SLCO3A1: variants seen among roughly 807,000 people sequenced by gnomAD.
SLCO3A1 encodes the protein solute carrier organic anion transporter family member 3A1.
In SLCO3A1, 27 loss-of-function variants were observed where a neutral mutation model predicts 63.1. The observed-to-expected ratio is 0.43, with a 90% CI of 0.32 to 0.59. The LOEUF (loss-of-function observed/expected upper bound fraction) is 0.59. Among genes scored for constraint, SLCO3A1 ranks in the 20% least tolerant of loss-of-function variants. The pLI, the probability that SLCO3A1 is intolerant of heterozygous loss-of-function variation, is 0.09. For missense variants in SLCO3A1, 773 were observed against 945.8 expected (o/e 0.82, Z 2.40); for synonymous variants, 473 against 409.9 (o/e 1.15, Z -1.86).
In SLCO3A1 at chr15:92,004,746, C is replaced by T. The variant is rs78794447; in HGVS notation, c.646+88288C>T. 3.2e-3 allele frequency among the ~76,000 whole-genome samples: 490 copies of T among 152,278 alleles called. 3 individuals are homozygous for T. The highest frequency in any genetic ancestry group is 0.011 in the African/African-American group (454 of 41,544). On this transcript the variant is annotated intron_variant, in intron 2 of 9. Transcript: ENST00000318445. ...CCAGAAGCAATAGTTGGAGCTTCTC[C>T]CAATTGTCCCTCAAATGCATTAGTC...
chr15:92,000,170 A>G (rs1397724529), intron 2 of SLCO3A1, among the ~76,000 whole-genome samples: 1 of 152,198 alleles, frequency 6.6e-6, no homozygotes, highest in East Asian at 1.9e-4. Context: ...ATATGATTTT[A>G]TATATGATTT....
At chr15:92,140,624 G>A (rs1244666801) in intron 7 of SLCO3A1, among the ~76,000 whole-genome samples, 1 of 152,250 alleles carries the variant, frequency 6.6e-6, no homozygotes, top group East Asian at 1.9e-4. Context: ...AATTCTCTTT[G>A]TAGGTCACTC....
chr15:92,037,630 T>C (rs2046744605), intron 2 of SLCO3A1, among the ~76,000 whole-genome samples: 1 of 152,238 alleles, frequency 6.6e-6, no homozygotes, highest in Admixed American at 6.5e-5. Context: ...AGGTTTGCAT[T>C]ACTAAAAAGC....
intron 9 of SLCO3A1, chr15:92,162,492 G>A (rs1390664062): frequency 4.5e-6 from 2 of 439,690 alleles, no homozygotes; most frequent in Admixed American, 8.2e-5. Flanking sequence ...GCCATCTGGT[G>A]AAGACTGTAG....
chr15:92,069,643 C>T lies in SLCO3A1; in HGVS notation c.647-25238C>T, dbSNP rs180982739. 1.1e-3 allele frequency among the ~76,000 whole-genome samples: 163 copies of T among 152,294 alleles called. 1 individual carries two copies. Among genetic ancestry groups the T allele is most frequent in the Admixed American group, 3.9e-3 (60 of 15,296 alleles). The stretch of plus-strand genomic sequence containing the variant: ...ACCAGGACCTTGGGGGCAGAGGGAT[C>T]CCAGAATGAGAGCTGGACCTGCTGG... On this transcript the variant is annotated intron_variant, in intron 2 of 9. Coordinates refer to ENST00000318445, the MANE Select transcript of SLCO3A1 (RefSeq NM_013272.4).
intron 2 of SLCO3A1, among the ~76,000 whole-genome samples, chr15:92,027,721 C>T (rs1405329369): frequency 6.6e-6 from 1 of 152,216 alleles, no homozygotes; most frequent in Non-Finnish European, 1.5e-5. Context: ...CTAACGAAAA[C>T]ACAAAGACAC....
At chr15:92,127,176 A>G (rs2047934695) in intron 6 of SLCO3A1, among the ~76,000 whole-genome samples, 1 of 151,960 alleles carries the variant, frequency 6.6e-6, no homozygotes. Flanking sequence ...GCCCCTTCCA[A>G]TCCCCGCCCC....
intron 2 of SLCO3A1, among the ~76,000 whole-genome samples, chr15:91,981,586 C>T (rs2045987373): frequency 1.3e-5 from 2 of 152,096 alleles, no homozygotes; most frequent in South Asian, 2.1e-4. Context: ...GTATGGTGAT[C>T]GTAACATTTA....
Position 92,162,786 on chromosome 15 carries a change from C to A in SLCO3A1, c.1784C>A (p.Ala595Asp). Residue 595 changes from alanine to aspartate, a missense_variant, in exon 10 of 10, where the codon GCT becomes GAT. Around this residue, in one of 3 missense-constraint regions of SLCO3A1, gnomAD observed 565 missense variants for 749.8 expected, o/e 0.75. Coordinates refer to ENST00000318445, the MANE Select transcript of SLCO3A1 (RefSeq NM_013272.4). ...GFIPPPLIFG[A>D]GIDSTCLFWS... ...ATCCCTCCACCCCTCATCTTCGGGG[C>A]TGGCATCGACTCCACCTGCCTGTTC... 1 of 1,613,768 alleles carries A rather than the reference C, an allele frequency of 6.2e-7. No homozygotes were observed. Among genetic ancestry groups the A allele is most frequent in the Non-Finnish European group, 8.5e-7 (1 of 1,179,836 alleles).
chr15:92,146,574 C>T (rs1209044368), intron 7 of SLCO3A1, among the ~76,000 whole-genome samples: 1 of 152,228 alleles, frequency 6.6e-6, no homozygotes, highest in East Asian at 1.9e-4. Flanking sequence ...TGATTTACTT[C>T]TTTTAATACA....
At chr15:92,058,250 G>A (rs952006878) in intron 2 of SLCO3A1, among the ~76,000 whole-genome samples, 1 of 152,134 alleles carries the variant, frequency 6.6e-6, no homozygotes. Context: ...CAGAAACTGA[G>A]GTCAAGTCCT....
chr15:92,093,449 A>G (rs2047501362), intron 2 of SLCO3A1, among the ~76,000 whole-genome samples: 1 of 152,224 alleles, frequency 6.6e-6, no homozygotes, highest in South Asian at 2.1e-4. Context: ...CCCATGATCT[A>G]ATACCTCCCA....
At chr15:91,902,065 T>C (rs1267246714) in intron 1 of SLCO3A1, among the ~76,000 whole-genome samples, 1 of 152,208 alleles carries the variant, frequency 6.6e-6, no homozygotes, top group South Asian at 2.1e-4. Flanking sequence ...GTTTACTGAT[T>C]TACTGATTCT....
intron 1 of SLCO3A1, among the ~76,000 whole-genome samples, chr15:91,857,063 TGTGTGTGAGA>T (rs1450606739): frequency 4.3e-5 from 6 of 139,102 alleles, no homozygotes; most frequent in East Asian, 2.0e-4. Flanking sequence ...TGTGTGTGTG[TGTGTGTGAGA>T]GAGAGAGAGA....
chr15:91,892,397 C>T (rs2151357986), intron 1 of SLCO3A1, among the ~76,000 whole-genome samples: 2 of 152,246 alleles, frequency 1.3e-5, no homozygotes, highest in South Asian at 4.1e-4. Flanking sequence ...GTGAAGAGTC[C>T]CTGCCCAGGC....
At chr15:91,933,577 A>G (rs112088145) in intron 2 of SLCO3A1, among the ~76,000 whole-genome samples, 2,011 of 152,360 alleles carry the variant, frequency 0.013, 41 homozygotes, top group African/African-American at 0.047. Flanking sequence ...CAGGATAACA[A>G]GCAGTACATA....
rs566371981 is a variant in SLCO3A1, at chr15:92,018,095, G to A, written c.647-76786G>A. 3.9e-5 allele frequency among the ~76,000 whole-genome samples: 6 copies of A among 152,336 alleles called. No homozygotes were observed. The East Asian group carries it at 7.7e-4, about 20-fold the overall frequency. ...TTGAGGGCTGGGCTGTGGCTGATGC[G>A]TACCCGAGTACAAGGGACTGAGATG... On this transcript the variant is annotated intron_variant, in intron 2 of 9. Transcript: ENST00000318445.
downstream of SLCO3A1, among the ~76,000 whole-genome samples, chr15:92,170,123 T>C (rs996316623): frequency 1.3e-5 from 2 of 152,182 alleles, no homozygotes; most frequent in African/African-American, 4.8e-5. Flanking sequence ...ACGTTAACCT[T>C]ATAGAAGATT....
At chr15:92,036,554 T>G (rs1290160994) in intron 2 of SLCO3A1, among the ~76,000 whole-genome samples, 1 of 152,156 alleles carries the variant, frequency 6.6e-6, no homozygotes, top group East Asian at 1.9e-4. Flanking sequence ...GATAGGGAGC[T>G]GTTTGCCTCC....
Sources: allele counts gnomAD v4.1 joint callset (sites outside exome capture counted in the v4.1 genomes callset), GRCh38; gene constraint gnomAD v4.1.1; regional missense constraint gnomAD v4.1.1; transcripts MANE v1.5; gene names NCBI Gene and HGNC (gene_info 2026-07-23, HGNC 2026-07-21).